Variants in ARHGAP8 observed in about 807,000 individuals in gnomAD.
The protein encoded by ARHGAP8 is Rho GTPase activating protein 8.
Under a neutral mutation model 46.1 loss-of-function variants are expected in ARHGAP8, and 62 were observed. That is an observed-to-expected ratio of 1.34 (90% CI 1.10 to 1.66). The LOEUF is 1.66. Ranked by LOEUF, ARHGAP8 falls within the 40% of genes most tolerant of loss-of-function variation. The pLI, the probability that ARHGAP8 is intolerant of heterozygous loss-of-function variation, is 0.00. For synonymous variants in ARHGAP8, 375 were observed against 243.1 expected, an observed-to-expected ratio of 1.54 and a Z score of -5.05; for missense variants, 923 against 568.4, an observed-to-expected ratio of 1.62 and a Z score of -6.34.
At chr22:44,816,165 C>G (rs570187083) in intron 5 of ARHGAP8, among the ~76,000 whole-genome samples, 1,838 of 151,886 alleles carry the variant, frequency 0.012, 39 homozygotes, top group African/African-American at 0.042. Flanking sequence ...GAAGCCCACT[C>G]GTGGCTCTGA....
At chr22:44,811,509 A>G (rs576595326) in intron 4 of ARHGAP8, among the ~76,000 whole-genome samples, 59 of 152,348 alleles carry the variant, frequency 3.9e-4, no homozygotes, top group African/African-American at 1.3e-3. Flanking sequence ...CCTTCAAGGC[A>G]TCAGATGGAA....
chr22:44,768,707 G>C (rs962746720), intron 1 of ARHGAP8, among the ~76,000 whole-genome samples: 8 of 152,184 alleles, frequency 5.3e-5, no homozygotes, highest in Admixed American at 3.3e-4. Flanking sequence ...TTTTGGGCAA[G>C]AGTTCCTTAC....
At chr22:44,762,862 C>T (rs372616695) in intron 1 of ARHGAP8, among the ~76,000 whole-genome samples, 23 of 152,152 alleles carry the variant, frequency 1.5e-4, no homozygotes, top group Middle Eastern at 3.4e-3. Flanking sequence ...CTCTCTTGAC[C>T]GTACCTGAGT....
intron 6 of ARHGAP8, among the ~76,000 whole-genome samples, chr22:44,824,189 G>T (rs1225770116): frequency 1.3e-5 from 2 of 152,060 alleles, no homozygotes; most frequent in Admixed American, 6.5e-5. Flanking sequence ...TGTGACCTGG[G>T]GCATGTCACC....
At chr22:44,861,131 C>T (rs561780094) in intron 11 of ARHGAP8, among the ~76,000 whole-genome samples, 140 of 152,166 alleles carry the variant, frequency 9.2e-4, no homozygotes, top group Non-Finnish European at 1.4e-3. Context: ...ACCACCATGC[C>T]CGGCTAATTT....
chr22:44,855,682 A>G (rs1363507774), intron 10 of ARHGAP8, among the ~76,000 whole-genome samples: 2 of 152,140 alleles, frequency 1.3e-5, no homozygotes, highest in South Asian at 2.1e-4. Context: ...CTCGAAACCC[A>G]TAAGACTTTT....
intron 8 of ARHGAP8, among the ~76,000 whole-genome samples, chr22:44,845,818 G>A (rs1193579558): frequency 6.6e-6 from 1 of 152,170 alleles, no homozygotes; most frequent in Non-Finnish European, 1.5e-5. Flanking sequence ...AGCTCCTGAG[G>A]CTAGAACTGA....
intron 10 of ARHGAP8, among the ~76,000 whole-genome samples, chr22:44,859,382 G>A (rs2147195603): frequency 6.6e-6 from 1 of 152,200 alleles, no homozygotes; most frequent in East Asian, 1.9e-4. Flanking sequence ...TCCTGTTTTT[G>A]CCACGTGATG....
At chr22:44,764,303 G>A (rs1473643212) in intron 1 of ARHGAP8, among the ~76,000 whole-genome samples, 1 of 152,184 alleles carries the variant, frequency 6.6e-6, no homozygotes, top group Non-Finnish European at 1.5e-5. Flanking sequence ...TGGAAAAATG[G>A]ATTTGTGGCA....
At chr22:44,836,944 T>C (rs911111723) in intron 7 of ARHGAP8, among the ~76,000 whole-genome samples, 1 of 152,026 alleles carries the variant, frequency 6.6e-6, no homozygotes, top group African/African-American at 2.4e-5. Flanking sequence ...AGTGGCACGA[T>C]CTCGATCTCG....
chr22:44,755,787 G>T (rs530054604), intron 1 of ARHGAP8, among the ~76,000 whole-genome samples: 33 of 152,294 alleles, frequency 2.2e-4, no homozygotes, highest in Middle Eastern at 3.4e-3. Flanking sequence ...GAAGTGGGGG[G>T]TGGGGATAAT....
At chr22:44,805,616 T>C (rs1253657724) in intron 3 of ARHGAP8, among the ~76,000 whole-genome samples, 1 of 152,230 alleles carries the variant, frequency 6.6e-6, no homozygotes, top group Non-Finnish European at 1.5e-5. Context: ...GCTAACCAGA[T>C]GAGAAGCTAC....
intron 7 of ARHGAP8, among the ~76,000 whole-genome samples, chr22:44,836,506 T>G (rs1485719604): frequency 1.3e-5 from 2 of 151,524 alleles, no homozygotes; most frequent in East Asian, 3.9e-4. Context: ...GGGGGCACAG[T>G]GATGCAGTGA....
At chr22:44,826,651 C>G (rs906670359) in intron 7 of ARHGAP8, among the ~76,000 whole-genome samples, 1 of 152,162 alleles carries the variant, frequency 6.6e-6, no homozygotes, top group Non-Finnish European at 1.5e-5. Flanking sequence ...GTCTCGAACT[C>G]CTGACCTCAA....
chr22:44,856,043 A>G (rs1414158036), intron 10 of ARHGAP8, among the ~76,000 whole-genome samples: 1 of 152,062 alleles, frequency 6.6e-6, no homozygotes, highest in Non-Finnish European at 1.5e-5. Context: ...ACACTTAACC[A>G]GATCTCTTGA....
chr22:44,859,582 C>T (rs543059622), intron 10 of ARHGAP8, 149 bp from the exon 11 acceptor site: 74 of 757,206 alleles, frequency 9.8e-5, no homozygotes, highest in Middle Eastern at 3.5e-4. Context: ...AGCCATACGG[C>T]CAGAAGATAA....
At chr22:44,809,713 A>G (rs547225103) in intron 4 of ARHGAP8, 1 of 157,806 alleles carries the variant, frequency 6.3e-6, no homozygotes, top group South Asian at 1.9e-4. Flanking sequence ...ACTTGGCAAT[A>G]TATCTGGCTC....
chr22:44,756,634 CCT>C (rs1361876255), intron 1 of ARHGAP8, among the ~76,000 whole-genome samples: 1 of 147,302 alleles, frequency 6.8e-6, no homozygotes, highest in East Asian at 2.0e-4. Flanking sequence ...ACCCTTCCAC[CCT>C]CTCACCCCTT....
At chr22:44,793,073 T>G (rs1927821722) in intron 2 of ARHGAP8, among the ~76,000 whole-genome samples, 2 of 152,100 alleles carry the variant, frequency 1.3e-5, no homozygotes, top group Non-Finnish European at 2.9e-5. Flanking sequence ...CCTCCCACCT[T>G]AGCCTCCCAA....
Sources: gnomAD v4.1 joint callset for allele counts (sites outside exome capture counted in the v4.1 genomes callset) on GRCh38, gnomAD v4.1.1 for gene constraint, MANE v1.5 for transcripts, NCBI Gene and HGNC (gene_info 2026-07-23, HGNC 2026-07-21) for gene names.